The following AR variants were observed in gnomAD, a reference collection of about 807,000 sequenced individuals.
The protein encoded by AR is dihydrotestosterone receptor.
AR carries 8 observed loss-of-function variants against 53.9 expected under a neutral mutation model. The ratio of observed to expected loss-of-function variants is 0.15; its 90% CI spans 0.09 to 0.27. AR has a LOEUF of 0.27. AR is among the 10% of genes least tolerant of loss of function. The pLI, the probability that AR is intolerant of heterozygous loss-of-function variation, is 1.00. For synonymous variants in AR, 359 were observed against 316.4 expected, an observed-to-expected ratio of 1.13 and a Z score of -1.43; for missense variants, 639 against 742.5, an observed-to-expected ratio of 0.86 and a Z score of 1.62.
At chrX:67,553,080 C>CTATT (rs1930060135) in intron 1 of AR, among the ~76,000 whole-genome samples, 1 of 111,264 alleles carries the variant, frequency 9.0e-6, no homozygotes, top group Admixed American at 9.6e-5. Context: ...TCCAATTCAT[C>CTATT]TATTTATTTT....
chrX:67,646,698 T>C (rs943487355), intron 2 of AR, among the ~76,000 whole-genome samples: 2 of 110,788 alleles, frequency 1.8e-5, no homozygotes, highest in African/African-American at 6.6e-5. Flanking sequence ...ATTTTCCCTT[T>C]TGGACCTCAG....
intron 5 of AR, among the ~76,000 whole-genome samples, chrX:67,719,988 A>G (rs911319252): frequency 2.7e-5 from 3 of 112,224 alleles, no homozygotes; most frequent in Admixed American, 9.4e-5. Context: ...TTGTGAGGAT[A>G]ATGAGCTTGA....
intron 1 of AR, among the ~76,000 whole-genome samples, chrX:67,595,363 TA>T (rs936541909): frequency 1.5e-3 from 157 of 106,562 alleles, no homozygotes; most frequent in African/African-American, 5.0e-3. Flanking sequence ...TTTTTTTTCT[TA>T]AAAAAAAAAC....
At chrX:67,696,562 C>G (rs1487449086) in intron 3 of AR, among the ~76,000 whole-genome samples, 2 of 112,012 alleles carry the variant, frequency 1.8e-5, no homozygotes, top group African/African-American at 6.5e-5. Context: ...CAACATAAAC[C>G]TTGAAAGATA....
At chrX:67,636,107 A>G (rs1283551572) in intron 1 of AR, among the ~76,000 whole-genome samples, 2 of 111,711 alleles carry the variant, frequency 1.8e-5, no homozygotes, top group African/African-American at 6.5e-5. Context: ...GATTGCATCA[A>G]CCCTATTAGA....
In AR at chrX:67,727,003, G is replaced by A. The variant is rs2076160356; in HGVS notation, c.*3162G>A. The A allele has an allele frequency of 2.9e-5, 5 of 173,535 alleles. No homozygotes were observed. Among genetic ancestry groups the A allele is most frequent in the Non-Finnish European group, 5.5e-5 (5 of 90,106 alleles). The allele number at this position is 173,535 out of a possible 1,213,427, so 14.3% of individuals were successfully genotyped here. A position where few individuals can be genotyped will look rare whatever the true frequency, so the allele number is the denominator to read the frequency against. ...AGAGAAAAAGAAGGAGCACCAGGGAGAAGGCTCCGTCTGTGCTGGGCAGCA... is the reference window on the plus strand; with the variant it reads ...AGAGAAAAAGAAGGAGCACCAGGGAAAAGGCTCCGTCTGTGCTGGGCAGCA... On this transcript the variant is annotated 3_prime_UTR_variant, in exon 8 of 8. Coordinates refer to ENST00000374690, the MANE Select transcript of AR (RefSeq NM_000044.6).
intron 3 of AR, chrX:67,696,027 G>T: frequency 6.7e-6 from 5 of 751,832 alleles, no homozygotes; most frequent in South Asian, 1.4e-4. Context: ...TTTGAATGTT[G>T]CATATTTCTA....
intron 1 of AR, among the ~76,000 whole-genome samples, chrX:67,632,419 C>T (rs1234492869): frequency 8.9e-6 from 1 of 112,413 alleles, no homozygotes; most frequent in African/African-American, 3.2e-5. Flanking sequence ...CCGTCTGTCA[C>T]CCCTTTCTTT....
intron 3 of AR, among the ~76,000 whole-genome samples, chrX:67,700,012 G>A (rs2076036147): frequency 9.0e-6 from 1 of 111,203 alleles, no homozygotes; most frequent in Non-Finnish European, 1.9e-5. Context: ...AGCTCCCACA[G>A]GGGTCTAATG....
Position 67,718,850 on chromosome X carries a change from T to C in AR, c.2318+1228T>C, listed in dbSNP as rs1028897378. Among the ~76,000 whole-genome samples, 3 of 111,663 alleles carry C rather than the reference T, an allele frequency of 2.7e-5. No homozygotes were observed. In the East Asian group the frequency reaches 8.5e-4, roughly 32 times the overall value. ...GATTTCACCATGTTAGCCAGGCTGGTCTCAAACTCCTGACCTCATGATCTG... is the reference window on the plus strand; with the variant it reads ...GATTTCACCATGTTAGCCAGGCTGGCCTCAAACTCCTGACCTCATGATCTG... On this transcript the variant is annotated intron_variant, in intron 5 of 7. Transcript: ENST00000374690.
At chrX:67,552,736 A>G (rs953263671) in intron 1 of AR, among the ~76,000 whole-genome samples, 2 of 112,030 alleles carry the variant, frequency 1.8e-5, no homozygotes, top group African/African-American at 3.2e-5. Context: ...TAGCTATATT[A>G]GTGGGTGTGA....
At chrX:67,682,274 G>GATC (rs1569304649) in intron 2 of AR, among the ~76,000 whole-genome samples, 1 of 110,604 alleles carries the variant, frequency 9.0e-6, no homozygotes, top group Non-Finnish European at 1.9e-5. Flanking sequence ...ACTTTGCACA[G>GATC]ATTATTATTA....
Position 67,633,677 on chromosome X carries a change from T to G in AR, c.1617-9579T>G, listed in dbSNP as rs144052421. On this transcript the variant is annotated intron_variant, in intron 1 of 7. Transcript: ENST00000374690. ...ATGTGGGCTCCAAATGTCCACCAAC[T>G]GATAAATGGAAAAACAAAATGTGGT... Among the ~76,000 whole-genome samples the G allele has an allele frequency of 3.5e-3, 387 of 111,794 alleles. 4 individuals are homozygous for G. The highest frequency in any genetic ancestry group is 0.011 in the African/African-American group (353 of 30,813).
intron 1 of AR, among the ~76,000 whole-genome samples, chrX:67,632,874 A>G (rs942914747): frequency 1.8e-5 from 2 of 112,433 alleles, no homozygotes; most frequent in Non-Finnish European, 3.7e-5. Flanking sequence ...AAGTATTTGA[A>G]TAGAAATTTC....
intron 1 of AR, among the ~76,000 whole-genome samples, chrX:67,611,797 G>A (rs990327192): frequency 1.3e-4 from 14 of 111,735 alleles, no homozygotes; most frequent in Admixed American, 2.9e-4. Context: ...CCTAAAGAAA[G>A]AAAAGAGTCT....
chrX:67,631,562 C>T (rs1356171325), intron 1 of AR, among the ~76,000 whole-genome samples: 2 of 111,554 alleles, frequency 1.8e-5, no homozygotes, highest in Non-Finnish European at 3.8e-5. Flanking sequence ...TCAAAGTTTT[C>T]AACTTCTTTG....
At chrX:67,546,872 A>G in intron 1 of AR, 110 bp downstream of exon 1, 1 of 893,688 alleles carries the variant, frequency 1.1e-6, no homozygotes, top group African/African-American at 2.0e-5. Context: ...TGCCCCTGGG[A>G]GAGCTCAGCA....
At chrX:67,618,399 T>C (rs904140824) in intron 1 of AR, among the ~76,000 whole-genome samples, 1 of 111,362 alleles carries the variant, frequency 9.0e-6, no homozygotes, top group East Asian at 2.8e-4. Flanking sequence ...GCCTTCAAAT[T>C]AAGATGCCCT....
chrX:67,677,417 C>T (rs765294376), intron 2 of AR, among the ~76,000 whole-genome samples: 1 of 111,642 alleles, frequency 9.0e-6, no homozygotes, highest in South Asian at 3.8e-4. Flanking sequence ...AAAAAGAATG[C>T]ACCGTACCCT....
Sources: gnomAD v4.1 joint callset for allele counts (sites outside exome capture counted in the v4.1 genomes callset) on GRCh38, gnomAD v4.1.1 for gene constraint, MANE v1.5 for transcripts, NCBI Gene and HGNC (gene_info 2026-07-23, HGNC 2026-07-21) for gene names.